LARP1B: variants seen among roughly 807,000 people sequenced by gnomAD.
The protein encoded by LARP1B is La ribonucleoprotein 1B.
Under a neutral mutation model 114.2 loss-of-function variants are expected in LARP1B, and 76 were observed. The ratio of observed to expected loss-of-function variants is 0.67; its 90% confidence interval spans 0.55 to 0.81. The LOEUF is 0.81. Ranked by LOEUF, LARP1B falls within the 30% of genes least tolerant of loss-of-function variation. The pLI, the probability that LARP1B is intolerant of heterozygous loss-of-function variation, is 0.00. For missense variants in LARP1B, 1,014 were observed against 1,075.8 expected (o/e 0.94, Z 0.80); for synonymous variants, 345 against 348.0 (o/e 0.99, Z 0.10).
At chr4:128,152,058 T>C (rs1733045703) in intron 11 of LARP1B, among the ~76,000 whole-genome samples, 1 of 152,238 alleles carries the variant, frequency 6.6e-6, no homozygotes, top group Middle Eastern at 3.2e-3. Flanking sequence ...ATTTGCTCAC[T>C]GTAAATGTAC....
intron 11 of LARP1B, chr4:128,155,795 A>G: frequency 1.3e-6 from 2 of 1,591,178 alleles, no homozygotes; most frequent in South Asian, 2.2e-5. Context: ...CTGCAGGCGG[A>G]GACTGATAAA....
intron 8 of LARP1B, among the ~76,000 whole-genome samples, chr4:128,099,346 G>A (rs1297209492): frequency 6.8e-6 from 1 of 146,204 alleles, no homozygotes; most frequent in Non-Finnish European, 1.5e-5. Context: ...GGAGTGCAGT[G>A]GCACAATCTT....
intron 7 of LARP1B, among the ~76,000 whole-genome samples, 173 bp from the exon 8 acceptor site, chr4:128,098,013 T>A (rs74287073): frequency 6.6e-6 from 1 of 152,122 alleles, no homozygotes; most frequent in African/African-American, 2.4e-5. Flanking sequence ...TTCAGTAGAG[T>A]TTTTTGCTAT....
chr4:128,111,775 G>C (rs1401076729), intron 9 of LARP1B, among the ~76,000 whole-genome samples: 1 of 151,948 alleles, frequency 6.6e-6, no homozygotes, highest in Non-Finnish European at 1.5e-5. Flanking sequence ...TCCGCCTCCT[G>C]GGTTCAAGTG....
At chr4:128,062,159 C>T in intron 1 of LARP1B, 1 of 985,428 alleles carries the variant, frequency 1.0e-6, no homozygotes, top group Non-Finnish European at 1.2e-6. Flanking sequence ...AAAGCCTCCC[C>T]AGCACCTGTC....
chr4:128,198,083 C>T lies in LARP1B; in HGVS notation c.2004-1356C>T, dbSNP rs566978473. Among the ~76,000 whole-genome samples, 196 of 152,032 alleles carry T rather than the reference C, an allele frequency of 1.3e-3. 1 individual carries two copies. The highest frequency in any genetic ancestry group is 1.9e-3 in the Non-Finnish European group (132 of 67,970). On this transcript the variant is annotated intron_variant, in intron 15 of 19. Coordinates refer to ENST00000326639, the MANE Select transcript of LARP1B (RefSeq NM_018078.4). ...TATTTTTTATAGAGACAGGGTTTCA[C>T]CATGTTGGCCAGGCTGGTCTCGAAC...
At chr4:128,204,877 G>A (rs967785255) in intron 17 of LARP1B, among the ~76,000 whole-genome samples, 1 of 104,118 alleles carries the variant, frequency 9.6e-6, no homozygotes, top group Non-Finnish European at 2.3e-5. Context: ...TAAAAAAAAA[G>A]ATCCTGATTC....
At chr4:128,125,049 T>C (rs1361975254) in intron 11 of LARP1B, among the ~76,000 whole-genome samples, 1 of 152,212 alleles carries the variant, frequency 6.6e-6, no homozygotes, top group Non-Finnish European at 1.5e-5. Context: ...ATATATTTAC[T>C]GCTGAAGACT....
At chr4:128,060,922 T>G (rs1468453136), upstream of LARP1B, among the ~76,000 whole-genome samples, 1 of 152,044 alleles carries the variant, frequency 6.6e-6, no homozygotes, top group Non-Finnish European at 1.5e-5. Context: ...CGACCCAGCT[T>G]TAGGGCCTAA....
rs1777514513 is a variant in LARP1B, at chr4:128,095,371, C to A, written c.669-2815C>A. Among the ~76,000 whole-genome samples, 4 of 151,488 alleles carry A rather than the reference C, an allele frequency of 2.6e-5. 1 individual carries two copies. In the South Asian group the frequency reaches 8.3e-4, roughly 32 times the overall value. ...GGGCATGGTGGCACACACCTGTAGTCCCAGCTACTCAGGAGGGTGAGGCAG... is the reference window on the plus strand; with the variant it reads ...GGGCATGGTGGCACACACCTGTAGTACCAGCTACTCAGGAGGGTGAGGCAG... On this transcript the variant is annotated intron_variant, in intron 7 of 19. Transcript: ENST00000326639.
At chr4:128,125,396 A>G (rs904772918) in intron 11 of LARP1B, among the ~76,000 whole-genome samples, 3 of 152,224 alleles carry the variant, frequency 2.0e-5, no homozygotes, top group Non-Finnish European at 4.4e-5. Flanking sequence ...CCAAAAGAAT[A>G]CACTTACAGT....
intron 15 of LARP1B, among the ~76,000 whole-genome samples, chr4:128,196,175 C>T (rs897775583): frequency 6.7e-5 from 10 of 148,678 alleles, no homozygotes; most frequent in South Asian, 2.1e-4. Flanking sequence ...CACTTGAGCC[C>T]GGGAAGCGGA....
chr4:128,170,872 C>CTT lies in LARP1B; in HGVS notation c.1649-5984_1649-5983dup, dbSNP rs70966085. 4.1e-4 allele frequency among the ~76,000 whole-genome samples: 39 copies of CTT among 95,002 alleles called. No individual in the cohort carries two copies. In the East Asian group the frequency reaches 5.1e-3, roughly 12 times the overall value. The allele number at this position is 95,002 out of a possible 152,430, so 62.3% of individuals were successfully genotyped here. A position where few individuals can be genotyped will look rare whatever the true frequency, so the allele number is the denominator to read the frequency against. ...TTATTATTCATTTTCTTTTTCTTTT[C>CTT]TTTTTTTTTTTTTTTTTGGCTTCTA... On this transcript the variant is annotated intron_variant, in intron 12 of 19. Coordinates refer to ENST00000326639, the MANE Select transcript of LARP1B (RefSeq NM_018078.4).
At chr4:128,111,704 G>T (rs1784172103) in intron 9 of LARP1B, among the ~76,000 whole-genome samples, 2 of 151,568 alleles carry the variant, frequency 1.3e-5, no homozygotes, top group Admixed American at 1.3e-4. Flanking sequence ...TTTTTGTTTT[G>T]TTTTTGAGAC....
intron 8 of LARP1B, among the ~76,000 whole-genome samples, chr4:128,099,310 CAG>C (rs1171167558): frequency 3.0e-4 from 41 of 138,108 alleles, no homozygotes; most frequent in African/African-American, 1.1e-3. Context: ...TTTTTTGAGA[CAG>C]AGTCTCATTC....
At position 128,082,304 on chromosome 4, in the gene LARP1B, A is replaced by T. The variant is rs1770801674; in HGVS notation, c.357A>T (p.Arg119=). The T allele has an allele frequency of 1.2e-6, 2 of 1,613,428 alleles. No individual in the cohort carries two copies. The highest frequency in any genetic ancestry group is 1.3e-5 in the African/African-American group (1 of 75,036). The change falls in exon 5 of 20, where the codon CGA becomes CGT. Residue 119 remains arginine (R), a splice_region_variant and synonymous_variant. Transcript: ENST00000326639. The part of the protein sequence containing the change: ...PTHNNRRNDT[R]SWKRDREKRD... ...ATAACAATAGGAGAAATGATACACG[A>T]AGTAAGTTACCATTCTAAGACAAAA...
chr4:128,169,136 ATTTGTGTCTTT>A (rs1448013145), intron 12 of LARP1B, among the ~76,000 whole-genome samples: 7 of 151,764 alleles, frequency 4.6e-5, no homozygotes, highest in African/African-American at 1.7e-4. Flanking sequence ...CTATTTATAA[ATTTGTGTCTTT>A]TTTGTCTTGA....
chr4:128,170,841 AC>A (rs1743232139), intron 12 of LARP1B, among the ~76,000 whole-genome samples: 1 of 139,942 alleles, frequency 7.1e-6, no homozygotes, highest in Admixed American at 7.0e-5. Context: ...ATTTAGGTCA[AC>A]CTTTTTATTA....
intron 15 of LARP1B, among the ~76,000 whole-genome samples, chr4:128,191,522 A>G (rs1317975540): frequency 6.6e-6 from 1 of 152,102 alleles, no homozygotes; most frequent in African/African-American, 2.4e-5. Flanking sequence ...TCTCACAAAC[A>G]TTGGAGCACT....
Sources: gnomAD v4.1 joint callset for allele counts (sites outside exome capture counted in the v4.1 genomes callset) on GRCh38, gnomAD v4.1.1 for gene constraint, MANE v1.5 for transcripts, NCBI Gene and HGNC (gene_info 2026-07-23, HGNC 2026-07-21) for gene names.